Variants in EFHC1 observed in about 807,000 individuals in gnomAD.
The protein encoded by EFHC1 is EF-hand domain containing 1, also known as EF-hand domain-containing protein 1.
In EFHC1, 53 loss-of-function variants were observed where a neutral mutation model predicts 69.9. The ratio of observed to expected loss-of-function variants is 0.76; its 90% confidence interval spans 0.61 to 0.95. The LOEUF is 0.95. EFHC1 is among the 40% of genes least tolerant of loss of function. EFHC1 has a pLI of 0.00. For synonymous variants in EFHC1, 256 were observed against 278.4 expected (o/e 0.92, Z 0.80); for missense variants, 739 against 798.7 (o/e 0.93, Z 0.90).
At chr6:52,465,488 C>A (rs963160659) in intron 6 of EFHC1, among the ~76,000 whole-genome samples, 1 of 151,938 alleles carries the variant, frequency 6.6e-6, no homozygotes, top group African/African-American at 2.4e-5. Context: ...ATAAAATAGA[C>A]ATTTTATTTT....
At position 52,492,921 on chromosome 6, in the gene EFHC1, A is replaced by C; in HGVS notation, c.*580A>C. ...CATGAGCCACTGTGCCCAGCCTCAGATATTTCATTATTCTGGGGGTTTCTC... is the reference window on the plus strand; with the variant it reads ...CATGAGCCACTGTGCCCAGCCTCAGCTATTTCATTATTCTGGGGGTTTCTC... On this transcript the variant is annotated 3_prime_UTR_variant, in exon 11 of 11. Transcript: ENST00000371068. 1 of 454,126 alleles carries C rather than the reference A, an allele frequency of 2.2e-6. No individual in the cohort carries two copies. Among genetic ancestry groups the C allele is most frequent in the Non-Finnish European group, 4.4e-6 (1 of 226,802 alleles). 28.1% of individuals were successfully genotyped at this position (454,126 alleles called of 1,614,324 possible). A position where few individuals can be genotyped will look rare whatever the true frequency, so the allele number is the denominator to read the frequency against.
At position 52,495,528 on chromosome 6, in the gene EFHC1, A is replaced by G. The variant is rs975580206; in HGVS notation, c.*3187A>G. The G allele has an allele frequency of 2.2e-6, 1 of 454,122 alleles. No homozygotes were observed. Among genetic ancestry groups the G allele is most frequent in the Non-Finnish European group, 4.4e-6 (1 of 226,792 alleles). 28.1% of individuals were successfully genotyped at this position (454,122 alleles called of 1,614,324 possible). A position where few individuals can be genotyped will look rare whatever the true frequency, so the allele number is the denominator to read the frequency against. On this transcript the variant is annotated 3_prime_UTR_variant, in exon 11 of 11. Coordinates refer to ENST00000371068, the MANE Select transcript of EFHC1 (RefSeq NM_018100.4). ...TCCTCAGCTTTGGGTCTCAGCCAAA[A>G]TGGAGATTTAGGAAAGTCTCATTTA...
chr6:52,454,269 G>A lies in EFHC1; in HGVS notation c.898G>A (p.Val300Ile). The change falls in exon 5 of 11, where the codon GTT (valine) becomes ATT (isoleucine). Residue 300 changes from valine (V) to isoleucine (I), a missense_variant. Transcript: ENST00000371068. Reference sequence around the variant, plus strand: ...AATGAACCGCCAGCGTGTGCCCAAAGTTTTGGTGGAAAATGCAAGTATGTT... The same window carrying A: ...AATGAACCGCCAGCGTGTGCCCAAAATTTTGGTGGAAAATGCAAGTATGTT... ...LLMNRQRVPK[V>I]LVENAKNFPQ... The A allele has an allele frequency of 6.2e-7, 1 of 1,614,094 alleles. No homozygotes were observed. The highest frequency in any genetic ancestry group is 1.7e-4 in the Middle Eastern group (1 of 6,058).
At chr6:52,459,081 G>A (rs1404452274) in intron 5 of EFHC1, among the ~76,000 whole-genome samples, 1 of 152,146 alleles carries the variant, frequency 6.6e-6, no homozygotes, top group Non-Finnish European at 1.5e-5. Context: ...AAGAAGTAAG[G>A]GAGAGGGACA....
chr6:52,459,447 C>T (rs1765113166), intron 5 of EFHC1, among the ~76,000 whole-genome samples: 1 of 152,126 alleles, frequency 6.6e-6, no homozygotes, highest in Admixed American at 6.5e-5. Flanking sequence ...GACAAGTTAG[C>T]ACACAAAAAT....
At chr6:52,454,423 T>G (rs1764994035) in intron 5 of EFHC1, 136 bp downstream of exon 5, 6 of 1,050,806 alleles carry the variant, frequency 5.7e-6, no homozygotes, top group Non-Finnish European at 8.6e-6. Context: ...GAAAATGGCT[T>G]CCCACAGCTT....
intron 3 of EFHC1, among the ~76,000 whole-genome samples, chr6:52,442,809 C>G (rs1764694799): frequency 6.6e-6 from 1 of 152,066 alleles, no homozygotes; most frequent in Non-Finnish European, 1.5e-5. Flanking sequence ...GGGTATATGC[C>G]CAGTAATGGG....
Position 52,479,531 on chromosome 6 carries a change from T to C in EFHC1, c.1493-109T>C. ...CGTTTAAAGAAAGCTCATTAGTTTC[T>C]GTCATAAATGCATACCTGTGAATTT... On this transcript the variant is annotated intron_variant, in intron 8 of 10. Coordinates refer to ENST00000371068, the MANE Select transcript of EFHC1 (RefSeq NM_018100.4). The C allele has an allele frequency of 2.7e-6, 4 of 1,504,508 alleles. No homozygotes were observed. In the South Asian group the frequency reaches 3.4e-5, roughly 13 times the overall value. The allele number at this position is 1,504,508 out of a possible 1,614,324, so 93.2% of individuals were successfully genotyped here.
At position 52,495,346 on chromosome 6, in the gene EFHC1, C is replaced by A; in HGVS notation, c.*3005C>A. 2.2e-6 allele frequency: 1 copy of A among 454,118 alleles called. No homozygotes were observed. Among genetic ancestry groups the A allele is most frequent in the Non-Finnish European group, 4.4e-6 (1 of 226,800 alleles). 28.1% of individuals were successfully genotyped at this position (454,118 alleles called of 1,614,324 possible). A position where few individuals can be genotyped will look rare whatever the true frequency, so the allele number is the denominator to read the frequency against. ...GTATACCCTCACTTAGCTTGCAGAC[C>A]CAAGGCACTCCAGCCCCTTTCAAGA... is the stretch of plus-strand genomic sequence containing the variant. On this transcript the variant is annotated 3_prime_UTR_variant, in exon 11 of 11. Coordinates refer to ENST00000371068, the MANE Select transcript of EFHC1 (RefSeq NM_018100.4).
In EFHC1 at chr6:52,493,770, A is replaced by G; in HGVS notation, c.*1429A>G. On this transcript the variant is annotated 3_prime_UTR_variant, in exon 11 of 11. Coordinates refer to ENST00000371068, the MANE Select transcript of EFHC1 (RefSeq NM_018100.4). ...GAGCTCTGACTGGCTTTTTACAAAC[A>G]GGGCTTCTCTTTGGTTGAAGTCAGC... The G allele has an allele frequency of 2.2e-6, 1 of 454,106 alleles. No homozygotes were observed. The highest frequency in any genetic ancestry group is 4.4e-6 in the Non-Finnish European group (1 of 226,780). The allele number at this position is 454,106 out of a possible 1,614,324, so 28.1% of individuals were successfully genotyped here.
intron 3 of EFHC1, among the ~76,000 whole-genome samples, chr6:52,441,094 C>T (rs1393884880): frequency 2.6e-5 from 4 of 152,002 alleles, no homozygotes; most frequent in African/African-American, 4.8e-5. Context: ...AGTCTTTTTA[C>T]TCTGTTGATG....
intron 5 of EFHC1, among the ~76,000 whole-genome samples, chr6:52,457,012 G>A (rs1377856404): frequency 1.3e-5 from 2 of 152,306 alleles, no homozygotes; most frequent in Non-Finnish European, 1.5e-5. Flanking sequence ...TTAAAAGAAT[G>A]ATGTCTAATT....
intron 3 of EFHC1, among the ~76,000 whole-genome samples, chr6:52,448,081 C>G (rs956973848): frequency 6.6e-6 from 1 of 152,210 alleles, no homozygotes; most frequent in African/African-American, 2.4e-5. Context: ...CTGGGAGAAC[C>G]ACTACTCTCT....
At chr6:52,445,712 C>T (rs1441725085) in intron 3 of EFHC1, among the ~76,000 whole-genome samples, 1 of 152,146 alleles carries the variant, frequency 6.6e-6, no homozygotes, top group Non-Finnish European at 1.5e-5. Context: ...TATAAATTTC[C>T]TTCTACACAC....
At chr6:52,420,584 A>C in intron 1 of EFHC1, 111 bp downstream of exon 1, 1 of 1,325,894 alleles carries the variant, frequency 7.5e-7, no homozygotes, top group Non-Finnish European at 1.1e-6. Flanking sequence ...CTTCTCTCCA[A>C]ACACGTCTTC....
At chr6:52,422,001 A>G (rs902294215) in intron 1 of EFHC1, among the ~76,000 whole-genome samples, 1 of 152,232 alleles carries the variant, frequency 6.6e-6, no homozygotes, top group Non-Finnish European at 1.5e-5. Flanking sequence ...CCAAGTGTCA[A>G]CCAATTTGCC....
At chr6:52,423,152 A>C (rs1451696112) in intron 1 of EFHC1, among the ~76,000 whole-genome samples, 1 of 152,204 alleles carries the variant, frequency 6.6e-6, no homozygotes, top group East Asian at 1.9e-4. Flanking sequence ...TATACCATCC[A>C]GTTGCTTTCC....
chr6:52,441,106 T>C (rs1448459857), intron 3 of EFHC1, among the ~76,000 whole-genome samples: 1 of 152,206 alleles, frequency 6.6e-6, no homozygotes, highest in Non-Finnish European at 1.5e-5. Flanking sequence ...CTGTTGATGC[T>C]TTCTTTTGCT....
intron 3 of EFHC1, among the ~76,000 whole-genome samples, chr6:52,442,760 G>A (rs1431602462): frequency 6.6e-6 from 1 of 152,184 alleles, no homozygotes; most frequent in African/African-American, 2.4e-5. Context: ...AAACATATGT[G>A]TGCATGTGAC....
Sources: allele counts gnomAD v4.1 joint callset (sites outside exome capture counted in the v4.1 genomes callset), GRCh38; gene constraint gnomAD v4.1.1; transcripts MANE v1.5; gene names NCBI Gene and HGNC (gene_info 2026-07-23, HGNC 2026-07-21).